The following KSR1 variants were observed in gnomAD, a reference collection of about 807,000 sequenced individuals.
The protein encoded by KSR1 is kinase suppressor of ras 1.
Under a neutral mutation model 92.9 loss-of-function variants are expected in KSR1, and 35 were observed. The ratio of observed to expected loss-of-function variants is 0.38; its 90% CI spans 0.29 to 0.50. KSR1 has a LOEUF of 0.50. Ranked by LOEUF, KSR1 falls within the 20% of genes least tolerant of loss-of-function variation. The probability of loss-of-function intolerance (pLI) is 0.94; values close to 1 mark genes in which losing one functional copy is unlikely to be tolerated. For synonymous variants in KSR1, 467 were observed against 472.6 expected (o/e 0.99, Z 0.15); for missense variants, 972 against 1,158.5 (o/e 0.84, Z 2.34).
chr17:27,524,728 C>G (rs1238859327), intron 1 of KSR1, among the ~76,000 whole-genome samples: 2 of 152,316 alleles, frequency 1.3e-5, no homozygotes, highest in East Asian at 3.9e-4. Context: ...TGGATGTCCC[C>G]AACCCACCTG....
chr17:27,526,586 A>T, intron 1 of KSR1: 3 of 1,588,628 alleles, frequency 1.9e-6, no homozygotes, highest in Non-Finnish European at 2.6e-6. Flanking sequence ...ATCAGTTGCA[A>T]TTGTAAGATG....
chr17:27,496,461 C>T (rs2068989170), intron 1 of KSR1, among the ~76,000 whole-genome samples: 2 of 152,148 alleles, frequency 1.3e-5, no homozygotes, highest in Non-Finnish European at 2.9e-5. Flanking sequence ...CTGATTCTGC[C>T]TGATTTTAAG....
At chr17:27,622,978 C>A (rs1046545913) in intron 20 of KSR1, 4 of 331,498 alleles carry the variant, frequency 1.2e-5, no homozygotes, top group Non-Finnish European at 2.2e-5. Context: ...TCATGTTTCT[C>A]TTCTCTCTCA....
chr17:27,592,770 A>G, intron 9 of KSR1, 144 bp downstream of exon 9: 2 of 650,964 alleles, frequency 3.1e-6, no homozygotes, highest in Non-Finnish European at 5.2e-6. Flanking sequence ...CTTGGGGATC[A>G]TATCTTGAGC....
Position 27,559,146 on chromosome 17 carries a change from A to G in KSR1, c.372+8438A>G, listed in dbSNP as rs531251095. Among the ~76,000 whole-genome samples, 43 of 152,264 alleles carry G rather than the reference A, an allele frequency of 2.8e-4. No individual in the cohort carries two copies. Among genetic ancestry groups the G allele is most frequent in the Non-Finnish European group, 4.9e-4 (33 of 68,022 alleles). On this transcript the variant is annotated intron_variant, in intron 2 of 20. Transcript: ENST00000644974. The surrounding 1 kb of genome is among the most constrained non-coding windows in gnomAD (Gnocchi z 4.2). Reference sequence around the variant, plus strand: ...AATGCCTTTTCTACTAGAGGAAGAGAGGGGATAGACATGGATGTGGTCACA... The same window carrying G: ...AATGCCTTTTCTACTAGAGGAAGAGGGGGGATAGACATGGATGTGGTCACA...
chr17:27,506,486 A>G (rs1443775333), intron 1 of KSR1, among the ~76,000 whole-genome samples: 1 of 152,158 alleles, frequency 6.6e-6, no homozygotes, highest in African/African-American at 2.4e-5. Flanking sequence ...GATTATGTGG[A>G]TGTAGTTGGA....
rs1248581141 is a variant in KSR1 at position 27,625,409 on chromosome 17, T to C, written c.*2017T>C. 6.6e-6 allele frequency: 1 copy of C among 152,270 alleles called. No individual in the cohort carries two copies. The highest frequency in any genetic ancestry group is 1.5e-5 in the Non-Finnish European group (1 of 68,040). 9.4% of individuals were successfully genotyped at this position (152,270 alleles called of 1,614,324 possible). A position where few individuals can be genotyped will look rare whatever the true frequency, so the allele number is the denominator to read the frequency against. ...GCTCATTGAGCAACTACAGTGCACT[T>C]GGTCTTCTGCAAGTGCTGGGCACCT... On this transcript the variant is annotated 3_prime_UTR_variant, in exon 21 of 21. Transcript: ENST00000644974.
Position 27,550,627 on chromosome 17 carries a change from T to A in KSR1, c.291T>A (p.Gly97=), listed in dbSNP as rs989694069. The change falls in exon 2 of 21, where the codon GGT becomes GGA. Residue 97 remains glycine, a synonymous_variant. Transcript: ENST00000644974. ...QRQCKLSVAP[G]ERTPELNSYP... is the part of the protein sequence containing the mutation. The stretch of plus-strand genomic sequence containing the variant: ...AGTGCAAGCTGAGCGTGGCTCCCGG[T>A]GAGAGGACCCCAGAGCTCAACAGCT... 2 of 764,494 alleles carry A rather than the reference T, an allele frequency of 2.6e-6. No individual in the cohort carries two copies. Among genetic ancestry groups the A allele is most frequent in the Non-Finnish European group, 4.8e-6 (2 of 417,896 alleles). The allele number at this position is 764,494 out of a possible 1,614,324, so 47.4% of individuals were successfully genotyped here.
chr17:27,528,533 G>GT (rs2070406481), intron 1 of KSR1, among the ~76,000 whole-genome samples: 1 of 152,194 alleles, frequency 6.6e-6, no homozygotes, highest in African/African-American at 2.4e-5. Context: ...TCCCAGGAGA[G>GT]ACCTGTACTT....
At position 27,620,337 on chromosome 17, in the gene KSR1, G is replaced by A. The variant is rs74439792; in HGVS notation, c.2628-856G>A. Among the ~76,000 whole-genome samples the A allele has an allele frequency of 9.8e-3, 1,499 of 152,284 alleles. 15 individuals are homozygous for A. The highest frequency in any genetic ancestry group is 0.014 in the Non-Finnish European group (970 of 68,030). On this transcript the variant is annotated intron_variant, in intron 19 of 20. Coordinates refer to ENST00000644974, the MANE Select transcript of KSR1 (RefSeq NM_001394583.1). ...CTGCCGCATTGCTACACAGATGGCC[G>A]AGGCCAGGGTTCCACCAGCAAGGAG...
At chr17:27,548,484 T>C (rs1482945785) in intron 1 of KSR1, among the ~76,000 whole-genome samples, 2 of 152,138 alleles carry the variant, frequency 1.3e-5, no homozygotes, top group Non-Finnish European at 1.5e-5. Flanking sequence ...TGTGCTAAGG[T>C]CCCGGTGCAG....
intron 3 of KSR1, among the ~76,000 whole-genome samples, 166 bp from the exon 4 acceptor site, chr17:27,582,480 A>G (rs2072801711): frequency 6.6e-6 from 1 of 152,158 alleles, no homozygotes; most frequent in Non-Finnish European, 1.5e-5. Flanking sequence ...ATGTGTGCGC[A>G]TGAGTGAGCG....
intron 1 of KSR1, among the ~76,000 whole-genome samples, chr17:27,536,686 C>G (rs1291341298): frequency 6.6e-6 from 1 of 152,196 alleles, no homozygotes; most frequent in Non-Finnish European, 1.5e-5. Context: ...GGTCCTGGTC[C>G]CTGACTGAAA....
intron 1 of KSR1, among the ~76,000 whole-genome samples, chr17:27,495,638 G>C (rs9332455): frequency 0.4 from 60,579 of 152,080 alleles, 12,589 homozygotes; most frequent in African/African-American, 0.51. Flanking sequence ...GTCTCTACCA[G>C]GTAACACATG....
At chr17:27,562,512 G>T (rs1052478628) in intron 2 of KSR1, among the ~76,000 whole-genome samples, 2 of 152,182 alleles carry the variant, frequency 1.3e-5, no homozygotes, top group Admixed American at 1.3e-4. Context: ...TGTGCCTATA[G>T]CCCTGCCATG....
At chr17:27,588,388 C>A in intron 5 of KSR1, 87 bp from the exon 6 acceptor site, 2 of 1,197,502 alleles carry the variant, frequency 1.7e-6, no homozygotes, top group Non-Finnish European at 1.2e-6. Flanking sequence ...CCCCCTCTAG[C>A]CTGTGGTCTC....
At chr17:27,506,116 G>A (rs1026149388) in intron 1 of KSR1, among the ~76,000 whole-genome samples, 1 of 152,110 alleles carries the variant, frequency 6.6e-6, no homozygotes, top group African/African-American at 2.4e-5. Context: ...CTTTGTCCTT[G>A]TCTGCAGGTG....
At chr17:27,583,225 G>T in intron 4 of KSR1, 120 bp downstream of exon 4, 4 of 681,016 alleles carry the variant, frequency 5.9e-6, no homozygotes, top group East Asian at 2.8e-5. Flanking sequence ...AAAGTAAAAG[G>T]TGCCCCCATC....
At chr17:27,495,467 C>G (rs1385407666) in intron 1 of KSR1, among the ~76,000 whole-genome samples, 1 of 152,182 alleles carries the variant, frequency 6.6e-6, no homozygotes, top group East Asian at 1.9e-4. Context: ...GAGGACATGT[C>G]TGCCCCGATG....
Sources: gnomAD v4.1 joint callset for allele counts (sites outside exome capture counted in the v4.1 genomes callset) on GRCh38, gnomAD v4.1.1 for gene constraint, Gnocchi (gnomAD v3.1) non-coding constraint, MANE v1.5 for transcripts, NCBI Gene and HGNC (gene_info 2026-07-23, HGNC 2026-07-21) for gene names.